SCAPER: variants seen among roughly 807,000 people sequenced by gnomAD.
The protein encoded by SCAPER is S-phase cyclin A associated protein in the ER.
Under a neutral mutation model 182.2 loss-of-function variants are expected in SCAPER, and 98 were observed. The ratio of observed to expected loss-of-function variants is 0.54; its 90% CI spans 0.46 to 0.64. The LOEUF is 0.64. SCAPER is among the 30% of genes least tolerant of loss of function. SCAPER has a pLI of 0.00. For missense variants in SCAPER, 1,432 were observed against 1,690.0 expected (o/e 0.85, Z 2.68); for synonymous variants, 605 against 564.6 (o/e 1.07, Z -1.01).
intron 29 of SCAPER, among the ~76,000 whole-genome samples, chr15:76,375,349 G>T (rs1248786251): frequency 6.6e-6 from 1 of 150,504 alleles, no homozygotes; most frequent in Non-Finnish European, 1.5e-5. Context: ...TACTCTGAGT[G>T]ACCTAAGCGG....
At chr15:76,875,575 G>A (rs970388855) in intron 2 of SCAPER, among the ~76,000 whole-genome samples, 4 of 152,330 alleles carry the variant, frequency 2.6e-5, no homozygotes, top group South Asian at 2.1e-4. Context: ...CCTGGGAGGC[G>A]AGGGTTGCAG....
chr15:76,814,080 A>G (rs1176998793), intron 5 of SCAPER, among the ~76,000 whole-genome samples: 1 of 152,108 alleles, frequency 6.6e-6, no homozygotes, highest in African/African-American at 2.4e-5. Context: ...AGGCAGAAGA[A>G]TTGTTTGAAC....
chr15:76,779,673 A>G (rs2151376322), intron 8 of SCAPER, among the ~76,000 whole-genome samples: 1 of 151,774 alleles, frequency 6.6e-6, no homozygotes, highest in East Asian at 2.0e-4. Context: ...ATAAGGAAAT[A>G]CATTTCAAGT....
At chr15:76,892,599 C>T (rs375202070) in intron 1 of SCAPER, among the ~76,000 whole-genome samples, 4 of 152,122 alleles carry the variant, frequency 2.6e-5, no homozygotes, top group East Asian at 1.9e-4. Flanking sequence ...ATCAGAGAAA[C>T]GCAAATCAAA....
intron 8 of SCAPER, among the ~76,000 whole-genome samples, chr15:76,794,353 A>G (rs2151469044): frequency 6.6e-6 from 1 of 152,334 alleles, no homozygotes; most frequent in Middle Eastern, 3.4e-3. Flanking sequence ...TTCTCTTAGA[A>G]TCTTTCAAGA....
At chr15:76,545,582 A>G (rs1186178966) in intron 23 of SCAPER, among the ~76,000 whole-genome samples, 1 of 152,178 alleles carries the variant, frequency 6.6e-6, no homozygotes, top group African/African-American at 2.4e-5. Context: ...GATAAAATAT[A>G]TGAAACAACT....
intron 21 of SCAPER, among the ~76,000 whole-genome samples, chr15:76,642,808 C>G (rs2054206922): frequency 6.6e-6 from 1 of 152,082 alleles, no homozygotes; most frequent in East Asian, 1.9e-4. Context: ...CTTTTAGACT[C>G]CAGTTTGAGA....
At chr15:76,663,873 A>G (rs142755573) in intron 21 of SCAPER, among the ~76,000 whole-genome samples, 215 of 152,300 alleles carry the variant, frequency 1.4e-3, no homozygotes, top group African/African-American at 5.1e-3. Context: ...TCAATGAAAA[A>G]AGTCAATAGA....
intron 24 of SCAPER, among the ~76,000 whole-genome samples, chr15:76,503,118 T>G (rs1467807063): frequency 6.6e-6 from 1 of 152,174 alleles, no homozygotes; most frequent in Non-Finnish European, 1.5e-5. Flanking sequence ...GAATTTAAGA[T>G]GAACAATATA....
At chr15:76,652,371 C>CACAT (rs764864981) in intron 21 of SCAPER, among the ~76,000 whole-genome samples, 2 of 8,066 alleles carry the variant, frequency 2.5e-4, no homozygotes, top group Admixed American at 2.2e-3. Flanking sequence ...CACACACACA[C>CACAT]ATATATATAT....
chr15:76,615,212 G>T (rs191891160), intron 22 of SCAPER, among the ~76,000 whole-genome samples: 1 of 151,676 alleles, frequency 6.6e-6, no homozygotes, highest in Non-Finnish European at 1.5e-5. Context: ...GGGAGGCTGA[G>T]GGGGGGCGGA....
chr15:76,532,229 T>C (rs1007458092), intron 23 of SCAPER, among the ~76,000 whole-genome samples: 1 of 152,148 alleles, frequency 6.6e-6, no homozygotes, highest in African/African-American at 2.4e-5. Flanking sequence ...ATCATTTCTG[T>C]GGCAATGCTC....
intron 5 of SCAPER, among the ~76,000 whole-genome samples, chr15:76,833,419 G>C (rs1188410892): frequency 6.6e-6 from 1 of 151,942 alleles, no homozygotes; most frequent in African/African-American, 2.4e-5. Context: ...GCCACCATAA[G>C]AGCCCACTGA....
chr15:76,809,048 C>A lies in SCAPER; in HGVS notation c.394-4415G>T, dbSNP rs113260908. Reference sequence around the variant, plus strand: ...CTAACAGGACTTGGCATACCCTAATCTGGGGACCACTAAGAACAAAGACTG... The same window carrying A: ...CTAACAGGACTTGGCATACCCTAATATGGGGACCACTAAGAACAAAGACTG... On this transcript the variant is annotated intron_variant, in intron 5 of 31. Transcript: ENST00000563290. Among the ~76,000 whole-genome samples, 588 of 152,278 alleles carry A rather than the reference C, an allele frequency of 3.9e-3. 1 individual carries two copies. Among genetic ancestry groups the A allele is most frequent in the Non-Finnish European group, 7.2e-3 (489 of 68,026 alleles).
chr15:76,800,200 A>G (rs998568928), intron 7 of SCAPER, 48 bp downstream of exon 7: 1 of 1,029,224 alleles, frequency 9.7e-7, no homozygotes, highest in Admixed American at 2.1e-5. Flanking sequence ...AATAACTAAG[A>G]AAATAATTTA....
At chr15:76,794,683 T>A (rs1346757764) in intron 8 of SCAPER, among the ~76,000 whole-genome samples, 3 of 152,192 alleles carry the variant, frequency 2.0e-5, no homozygotes, top group Non-Finnish European at 4.4e-5. Context: ...CCTATTATCA[T>A]TCTAAAATCC....
chr15:76,783,955 T>C (rs1377735893), intron 8 of SCAPER, among the ~76,000 whole-genome samples: 2 of 152,170 alleles, frequency 1.3e-5, no homozygotes, highest in Admixed American at 6.5e-5. Context: ...ACTGGAAGCA[T>C]TCCCTTTGAA....
intron 26 of SCAPER, among the ~76,000 whole-genome samples, chr15:76,409,377 T>C (rs1043400226): frequency 1.3e-5 from 2 of 152,224 alleles, no homozygotes; most frequent in Non-Finnish European, 2.9e-5. Flanking sequence ...CATGCTGCTG[T>C]AAATGATAAA....
At chr15:76,776,334 T>C (rs955597956) in intron 8 of SCAPER, among the ~76,000 whole-genome samples, 2 of 152,192 alleles carry the variant, frequency 1.3e-5, no homozygotes, top group African/African-American at 4.8e-5. Context: ...ATGGAACCCC[T>C]GTTCCCCATG....
Sources: allele counts gnomAD v4.1 joint callset (sites outside exome capture counted in the v4.1 genomes callset), GRCh38; gene constraint gnomAD v4.1.1; transcripts MANE v1.5; gene names NCBI Gene and HGNC (gene_info 2026-07-23, HGNC 2026-07-21).